Variants in TAF2 observed in about 807,000 individuals in gnomAD.
TAF2 encodes transcription initiation factor TFIID subunit 2.
Under a neutral mutation model 138.5 loss-of-function variants are expected in TAF2, and 61 were observed. The observed-to-expected ratio is 0.44, with a 90% CI of 0.36 to 0.54. TAF2 has a LOEUF of 0.54. Ranked by LOEUF, TAF2 falls within the 20% of genes least tolerant of loss-of-function variation. The pLI is 0.00. For missense variants in TAF2, 1,090 were observed against 1,427.9 expected, an observed-to-expected ratio of 0.76 and a Z score of 3.81; for synonymous variants, 475 against 469.9, an observed-to-expected ratio of 1.01 and a Z score of -0.14.
intron 6 of TAF2, 144 bp downstream of exon 6, chr8:119,801,650 G>A (rs559126497): frequency 9.2e-6 from 7 of 757,216 alleles, no homozygotes; most frequent in East Asian, 2.7e-5. Context: ...GGATGGTCTC[G>A]ATCTCCTGAC....
At position 119,731,727 on chromosome 8, in the gene TAF2, T is replaced by C. The variant is rs1818889636; in HGVS notation, c.*197A>G. 1.6e-6 allele frequency: 1 copy of C among 619,508 alleles called. No individual in the cohort carries two copies. Among genetic ancestry groups the C allele is most frequent in the African/African-American group, 1.8e-5 (1 of 54,220 alleles). 38.4% of individuals were successfully genotyped at this position (619,508 alleles called of 1,614,324 possible). ...GCGGATGAAATAGTTTATCCAGAAC[T>C]ACAAAACACATTTTCCTAATTAGAT... On this transcript the variant is annotated 3_prime_UTR_variant, in exon 26 of 26. Transcript: ENST00000378164.
intron 22 of TAF2, among the ~76,000 whole-genome samples, chr8:119,749,248 G>T (rs1820185397): frequency 6.6e-6 from 1 of 152,106 alleles, no homozygotes; most frequent in Non-Finnish European, 1.5e-5. Flanking sequence ...TATGATTTTG[G>T]TTACTTTTTA....
intron 14 of TAF2, among the ~76,000 whole-genome samples, chr8:119,786,808 G>A (rs1243128310): frequency 6.6e-6 from 1 of 152,246 alleles, no homozygotes; most frequent in Middle Eastern, 3.4e-3. Flanking sequence ...TGTAATCCCT[G>A]CTACTCAGAA....
chr8:119,787,820 C>G (rs529487189), intron 14 of TAF2, among the ~76,000 whole-genome samples: 1 of 152,188 alleles, frequency 6.6e-6, no homozygotes, highest in South Asian at 2.1e-4. Context: ...TCACAATAGC[C>G]AAGACTTGGA....
At chr8:119,794,888 AG>A (rs1318023541) in intron 9 of TAF2, among the ~76,000 whole-genome samples, 9 of 152,300 alleles carry the variant, frequency 5.9e-5, no homozygotes, top group Non-Finnish European at 1.0e-4. Context: ...GAAGATGATA[AG>A]GTTTGTTTAA....
In TAF2 at chr8:119,832,688, G is replaced by T; in HGVS notation, c.-124C>A. The T allele has an allele frequency of 4.7e-6, 4 of 854,744 alleles. No homozygotes were observed. The highest frequency in any genetic ancestry group is 7.0e-6 in the Non-Finnish European group (4 of 572,406). The allele number at this position is 854,744 out of a possible 1,614,324, so 52.9% of individuals were successfully genotyped here. On this transcript the variant is annotated 5_prime_UTR_variant, in exon 1 of 26. Transcript: ENST00000378164. ...AAGTCACGTCTCGCAGCTGGCCGGT[G>T]CCCAGGTGAGCGACCTGACGGGTCG...
chr8:119,791,076 T>C (rs958605075), intron 11 of TAF2, among the ~76,000 whole-genome samples: 3 of 152,084 alleles, frequency 2.0e-5, no homozygotes, highest in Non-Finnish European at 4.4e-5. Flanking sequence ...GCTGGGATTA[T>C]AGGCATGAGA....
At chr8:119,733,359 C>T (rs1157207635) in intron 25 of TAF2, among the ~76,000 whole-genome samples, 2 of 151,998 alleles carry the variant, frequency 1.3e-5, no homozygotes, top group Non-Finnish European at 2.9e-5. Context: ...ACATCTGTCT[C>T]TCTACACAGA....
At chr8:119,746,468 T>C (rs1267345164) in intron 23 of TAF2, among the ~76,000 whole-genome samples, 2 of 151,696 alleles carry the variant, frequency 1.3e-5, no homozygotes, top group Non-Finnish European at 2.9e-5. Flanking sequence ...AATAACTAGG[T>C]TATCACAATA....
intron 18 of TAF2, among the ~76,000 whole-genome samples, chr8:119,763,317 T>C (rs945150375): frequency 6.6e-6 from 1 of 152,242 alleles, no homozygotes; most frequent in Non-Finnish European, 1.5e-5. Flanking sequence ...ACTATAATGA[T>C]TGAAATTTTA....
intron 18 of TAF2, among the ~76,000 whole-genome samples, chr8:119,765,175 G>C (rs1047274000): frequency 1.3e-5 from 2 of 152,238 alleles, no homozygotes; most frequent in East Asian, 3.9e-4. Context: ...AAGTGACTGT[G>C]ACACAGAGAC....
At chr8:119,737,993 C>T (rs1328629109) in intron 25 of TAF2, among the ~76,000 whole-genome samples, 1 of 151,952 alleles carries the variant, frequency 6.6e-6, no homozygotes, top group East Asian at 1.9e-4. Context: ...CTATGCTACC[C>T]TATCATCACC....
intron 2 of TAF2, among the ~76,000 whole-genome samples, chr8:119,830,442 A>T (rs975788842): frequency 2.0e-5 from 3 of 152,146 alleles, no homozygotes; most frequent in African/African-American, 7.2e-5. Flanking sequence ...CCCCTAGATT[A>T]CCGCAGTAAC....
chr8:119,827,919 A>AT (rs1826205358), intron 2 of TAF2, among the ~76,000 whole-genome samples: 1 of 151,786 alleles, frequency 6.6e-6, no homozygotes, highest in South Asian at 2.1e-4. Flanking sequence ...AATTTTTTGT[A>AT]TTTTTAGTAG....
chr8:119,759,136 AG>A (rs1336454881), intron 20 of TAF2, among the ~76,000 whole-genome samples: 1 of 152,156 alleles, frequency 6.6e-6, no homozygotes, highest in Non-Finnish European at 1.5e-5. Flanking sequence ...AGAGAGATAT[AG>A]GATTACATTT....
intron 6 of TAF2, among the ~76,000 whole-genome samples, chr8:119,799,457 A>G (rs1348088418): frequency 1.3e-5 from 2 of 152,108 alleles, no homozygotes; most frequent in Non-Finnish European, 2.9e-5. Context: ...TTCCAGCTTC[A>G]TCCATGTCCC....
At chr8:119,770,294 G>C (rs1821742378) in intron 18 of TAF2, among the ~76,000 whole-genome samples, 1 of 151,962 alleles carries the variant, frequency 6.6e-6, no homozygotes, top group African/African-American at 2.4e-5. Context: ...CCTCACAAAA[G>C]CATATAGTGG....
chr8:119,750,546 C>A (rs1274888927), intron 22 of TAF2, among the ~76,000 whole-genome samples: 1 of 152,138 alleles, frequency 6.6e-6, no homozygotes, highest in Non-Finnish European at 1.5e-5. Context: ...GTCCATCTTA[C>A]AATAAACAAA....
intron 14 of TAF2, among the ~76,000 whole-genome samples, chr8:119,785,691 T>C (rs1448982177): frequency 6.6e-6 from 1 of 152,168 alleles, no homozygotes; most frequent in Admixed American, 6.5e-5. Flanking sequence ...AATTAGCTAA[T>C]AAAATATCTT....
Sources: gnomAD v4.1 joint callset for allele counts (sites outside exome capture counted in the v4.1 genomes callset) on GRCh38, gnomAD v4.1.1 for gene constraint, MANE v1.5 for transcripts, NCBI Gene and HGNC (gene_info 2026-07-23, HGNC 2026-07-21) for gene names.